Variants in DEGS2 observed in about 807,000 individuals in gnomAD.
The protein encoded by DEGS2 is sphingolipid delta(4)-desaturase/C4-monooxygenase DES2.
Under a neutral mutation model 23.8 loss-of-function variants are expected in DEGS2, and 19 were observed. The observed-to-expected ratio is 0.80, with a 90% CI of 0.56 to 1.17. DEGS2 has a LOEUF of 1.17. Among genes scored for constraint, DEGS2 ranks in the 50% most tolerant of loss-of-function variants. The pLI is 0.00. For synonymous variants in DEGS2, 218 were observed against 213.7 expected (o/e 1.02, Z -0.18); for missense variants, 390 against 459.5 (o/e 0.85, Z 1.38).
chr14:100,155,910 G>A (rs113981776), intron 1 of DEGS2, among the ~76,000 whole-genome samples: 1,556 of 151,910 alleles, frequency 0.01, 28 homozygotes, highest in African/African-American at 0.035. Flanking sequence ...CACCGGCCAC[G>A]CCTGGCTGGG....
chr14:100,158,668 C>G (rs1478053190), intron 1 of DEGS2, among the ~76,000 whole-genome samples: 1 of 144,810 alleles, frequency 6.9e-6, no homozygotes, highest in Non-Finnish European at 1.5e-5. Flanking sequence ...TGTGGCAACG[C>G]GCGGTGCTGA....
chr14:100,146,563 C>T lies in DEGS2; in HGVS notation c.*198G>A. 1 of 712,378 alleles carries T rather than the reference C, an allele frequency of 1.4e-6. No individual in the cohort carries two copies. The highest frequency in any genetic ancestry group is 2.2e-6 in the Non-Finnish European group (1 of 450,280). The allele number at this position is 712,378 out of a possible 1,614,324, so 44.1% of individuals were successfully genotyped here. A position where few individuals can be genotyped will look rare whatever the true frequency, so the allele number is the denominator to read the frequency against. ...AGGCCCAGAAAGGGAGGGCCACACT[C>T]AAGGTCCAGGGCAAGTCCACGTGCA... On this transcript the variant is annotated 3_prime_UTR_variant, in exon 3 of 3. Transcript: ENST00000305631.
intron 1 of DEGS2, 112 bp from the exon 2 acceptor site, chr14:100,149,822 C>T: frequency 1.8e-6 from 2 of 1,130,662 alleles, no homozygotes; most frequent in Non-Finnish European, 2.5e-6. Context: ...GCCAGCAAAC[C>T]TCGCTGGTCC....
upstream of DEGS2, among the ~76,000 whole-genome samples, chr14:100,163,497 GC>G (rs1284517250): frequency 6.6e-6 from 1 of 152,084 alleles, no homozygotes; most frequent in Non-Finnish European, 1.5e-5. Context: ...TTGAAACGGA[GC>G]CCGTGGAGGA....
Position 100,146,656 on chromosome 14 carries a change from G to A in DEGS2, c.*105C>T, listed in dbSNP as rs1316821876. Reference sequence around the variant, plus strand: ...GCGCGGGACACTCCTCGGGGACAAGGGCAGCAGTCCAGAGCACAGGAAGGA... The same window carrying A: ...GCGCGGGACACTCCTCGGGGACAAGAGCAGCAGTCCAGAGCACAGGAAGGA... On this transcript the variant is annotated 3_prime_UTR_variant, in exon 3 of 3. Transcript: ENST00000305631. 1.3e-6 allele frequency: 2 copies of A among 1,485,504 alleles called. No homozygotes were observed. The highest frequency in any genetic ancestry group is 2.8e-5 in the African/African-American group (2 of 71,648). 92.0% of individuals were successfully genotyped at this position (1,485,504 alleles called of 1,614,324 possible). A position where few individuals can be genotyped will look rare whatever the true frequency, so the allele number is the denominator to read the frequency against.
intron 1 of DEGS2, 52 bp from the exon 2 acceptor site, chr14:100,149,762 G>C (rs760191417): frequency 6.6e-7 from 1 of 1,520,098 alleles, no homozygotes; most frequent in African/African-American, 1.4e-5. Flanking sequence ...GCTGCACCCC[G>C]CCCTCCTCCG....
intron 1 of DEGS2, among the ~76,000 whole-genome samples, chr14:100,154,709 C>A (rs1889631077): frequency 6.6e-6 from 1 of 152,248 alleles, no homozygotes; most frequent in South Asian, 2.1e-4. Context: ...TGGTGCGACT[C>A]TGATGGGTTA....
chr14:100,156,476 C>T (rs1227198540), intron 1 of DEGS2, among the ~76,000 whole-genome samples: 3 of 152,248 alleles, frequency 2.0e-5, no homozygotes, highest in East Asian at 1.9e-4. Context: ...CATATCACCT[C>T]GTTTAATCTG....
intron 1 of DEGS2, among the ~76,000 whole-genome samples, chr14:100,150,737 G>A (rs1261617081): frequency 6.6e-6 from 1 of 152,014 alleles, no homozygotes; most frequent in African/African-American, 2.4e-5. Context: ...AGGGAGCCCC[G>A]TGCCCTTCCC....
chr14:100,163,500 C>T (rs374680961), upstream of DEGS2, among the ~76,000 whole-genome samples: 14 of 152,092 alleles, frequency 9.2e-5, 1 homozygote, highest in East Asian at 5.8e-4. Context: ...AAACGGAGCC[C>T]GTGGAGGAAT....
upstream of DEGS2, chr14:100,159,718 A>C (rs1241291394): frequency 7.8e-6 from 1 of 128,120 alleles, no homozygotes; most frequent in African/African-American, 3.3e-5. Context: ...CAGGTGCGCC[A>C]GGCTTGGGGC....
intron 1 of DEGS2, among the ~76,000 whole-genome samples, chr14:100,150,936 C>T (rs540722805): frequency 5.3e-4 from 81 of 152,326 alleles, no homozygotes; most frequent in African/African-American, 1.9e-3. Context: ...CTGGGGCCTC[C>T]GGAGCCACTG....
rs573053016 is a variant in DEGS2, at chr14:100,149,871, G to A, written c.83-161C>T. On this transcript the variant is annotated intron_variant, in intron 1 of 2. Coordinates refer to ENST00000305631, the MANE Select transcript of DEGS2 (RefSeq NM_206918.3). ...CACAGGCCCTGTCCCTCGAGGGCCCGCTGGCCCCCACCCTGGCCGAGCCTC... is the reference window on the plus strand; with the variant it reads ...CACAGGCCCTGTCCCTCGAGGGCCCACTGGCCCCCACCCTGGCCGAGCCTC... Among the ~76,000 whole-genome samples the A allele has an allele frequency of 9.8e-5, 15 of 152,344 alleles. No individual in the cohort carries two copies. The East Asian group carries it at 2.5e-3, about 25-fold the overall frequency.
chr14:100,152,833 A>G (rs1889594859), intron 1 of DEGS2, among the ~76,000 whole-genome samples: 1 of 151,154 alleles, frequency 6.6e-6, no homozygotes, highest in Non-Finnish European at 1.5e-5. Flanking sequence ...GGGACTTTAC[A>G]GCCTCCATAA....
chr14:100,153,477 AGAGAGGGG>A (rs1889609630), intron 1 of DEGS2, among the ~76,000 whole-genome samples: 1 of 152,202 alleles, frequency 6.6e-6, no homozygotes, highest in Admixed American at 6.5e-5. Flanking sequence ...CTGGGCCACA[AGAGAGGGG>A]GAAAGCCCAA....
chr14:100,149,400 G>T lies in DEGS2; in HGVS notation c.393C>A (p.His131Gln). ...AASFKKYHVD[H>Q]HRYLGGDGLD... is the part of the protein sequence containing the mutation. ...GCCCGTCGCCGCCCAGGTAGCGGTGGTGGTCCACGTGGTACTTCTTGAAGG... is the reference window on the plus strand; with the variant it reads ...GCCCGTCGCCGCCCAGGTAGCGGTGTTGGTCCACGTGGTACTTCTTGAAGG... The change falls in exon 2 of 3, where the codon CAC (histidine) becomes CAA (glutamine). Residue 131 changes from histidine to glutamine, a missense_variant. Transcript: ENST00000305631. 6.2e-7 allele frequency: 1 copy of T among 1,603,806 alleles called. No homozygotes were observed. The highest frequency in any genetic ancestry group is 8.5e-7 in the Non-Finnish European group (1 of 1,174,170).
At chr14:100,162,803 C>T (rs550854772), upstream of DEGS2, among the ~76,000 whole-genome samples, 85 of 152,286 alleles carry the variant, frequency 5.6e-4, no homozygotes, top group African/African-American at 2.0e-3. Context: ...GCCCCCTGGC[C>T]GGAGTGCTGT....
chr14:100,148,333 T>A (rs1410943420), intron 2 of DEGS2, among the ~76,000 whole-genome samples: 1 of 152,052 alleles, frequency 6.6e-6, no homozygotes, highest in Non-Finnish European at 1.5e-5. Context: ...CAGTGCCACC[T>A]CCTCCCGCCC....
chr14:100,158,718 G>A (rs1889700037), intron 1 of DEGS2, among the ~76,000 whole-genome samples: 1 of 152,136 alleles, frequency 6.6e-6, no homozygotes, highest in African/African-American at 2.4e-5. Flanking sequence ...CTCAGCCTGT[G>A]GCGATTTGGT....
Sources: gnomAD v4.1 joint callset for allele counts (sites outside exome capture counted in the v4.1 genomes callset) on GRCh38, gnomAD v4.1.1 for gene constraint, MANE v1.5 for transcripts, NCBI Gene and HGNC (gene_info 2026-07-23, HGNC 2026-07-21) for gene names.